The following LRCH3 variants were observed in gnomAD, a reference collection of about 807,000 sequenced individuals.
LRCH3 encodes the protein leucine rich repeats and calponin homology domain containing 3.
A neutral mutation model predicts 104.5 loss-of-function variants in LRCH3; 68 were observed. The ratio of observed to expected loss-of-function variants is 0.65; its 90% CI spans 0.54 to 0.80. The LOEUF is 0.80. LRCH3 is among the 30% of genes least tolerant of loss of function. LRCH3 has a pLI of 0.00. For missense variants in LRCH3, 951 were observed against 953.9 expected (o/e 1.00, Z 0.04); for synonymous variants, 344 against 361.3 (o/e 0.95, Z 0.54).
chr3:197,875,008 T>C (rs114134225), intron 19 of LRCH3, among the ~76,000 whole-genome samples: 16,602 of 150,582 alleles, frequency 0.11, 955 homozygotes, highest in African/African-American at 0.13. Flanking sequence ...CCACAACCTC[T>C]GCCTCCCGGG....
intron 17 of LRCH3, among the ~76,000 whole-genome samples, chr3:197,867,220 T>G (rs183753399): frequency 8.2e-4 from 124 of 151,940 alleles, no homozygotes; most frequent in Middle Eastern, 3.4e-3. Context: ...GAAGTTGCAG[T>G]GAGCCAAGAT....
chr3:197,800,092 G>A (rs1560519014), intron 1 of LRCH3, among the ~76,000 whole-genome samples: 1 of 152,050 alleles, frequency 6.6e-6, no homozygotes, highest in South Asian at 2.1e-4. Flanking sequence ...GGGAGGCTGA[G>A]GCAGGAGAAT....
intron 1 of LRCH3, among the ~76,000 whole-genome samples, chr3:197,805,175 G>A (rs1020364769): frequency 1.3e-5 from 2 of 152,190 alleles, no homozygotes; most frequent in Non-Finnish European, 2.9e-5. Context: ...TTACAGGCGT[G>A]AGCCACCGCG....
At chr3:197,869,173 T>C (rs926590441) in intron 17 of LRCH3, among the ~76,000 whole-genome samples, 2 of 151,418 alleles carry the variant, frequency 1.3e-5, no homozygotes, top group African/African-American at 4.9e-5. Flanking sequence ...TATACTGTAC[T>C]TGCAGGAAGT....
intron 1 of LRCH3, among the ~76,000 whole-genome samples, chr3:197,795,601 C>G (rs754367452): frequency 1.3e-5 from 2 of 151,634 alleles, no homozygotes; most frequent in African/African-American, 4.9e-5. Context: ...AGCCGCCATG[C>G]CTAAAGTCAG....
chr3:197,848,504 A>G (rs73210166), intron 12 of LRCH3: 4,563 of 153,040 alleles, frequency 0.03, 96 homozygotes, highest in Middle Eastern at 0.14. Flanking sequence ...AACGTTTTGC[A>G]GCCTCTATAG....
rs1419275644 is a variant in LRCH3, at chr3:197,813,533, T to C, written c.263-1375T>C. On this transcript the variant is annotated intron_variant, in intron 1 of 20. Transcript: ENST00000425562. The stretch of plus-strand genomic sequence containing the variant: ...TAATTTTTTTTTTTTTTTTTTTTTT[T>C]TTTTTTTTTTTTTTTGAGATGGAAT... Among the ~76,000 whole-genome samples the C allele has an allele frequency of 9.2e-5, 11 of 119,650 alleles. 1 individual carries two copies. The highest frequency in any genetic ancestry group is 6.8e-4 in the East Asian group (3 of 4,388). The allele number at this position is 119,650 out of a possible 152,430, so 78.5% of individuals were successfully genotyped here. A position where few individuals can be genotyped will look rare whatever the true frequency, so the allele number is the denominator to read the frequency against.
intron 19 of LRCH3, 76 bp from the exon 20 acceptor site, chr3:197,875,622 C>T (rs1326701838): frequency 8.7e-7 from 1 of 1,153,822 alleles, no homozygotes; most frequent in Admixed American, 2.0e-5. Context: ...CCACTGCACT[C>T]CAGCCTGGGT....
intron 15 of LRCH3, among the ~76,000 whole-genome samples, chr3:197,864,613 A>G (rs1395352533): frequency 1.8e-5 from 2 of 109,800 alleles, no homozygotes; most frequent in African/African-American, 9.1e-5. Flanking sequence ...TCCATCTCAA[A>G]AAAAAAAAAA....
intron 5 of LRCH3, among the ~76,000 whole-genome samples, chr3:197,828,909 G>T (rs942671738): frequency 2.0e-5 from 3 of 151,428 alleles, no homozygotes; most frequent in African/African-American, 7.3e-5. Flanking sequence ...GGATTTCACC[G>T]TGTTGGTCAG....
chr3:197,873,724 C>T (rs1560603127), intron 19 of LRCH3, among the ~76,000 whole-genome samples: 1 of 151,950 alleles, frequency 6.6e-6, no homozygotes. Context: ...GACCCTGACC[C>T]TAAAAAAGAA....
intron 15 of LRCH3, among the ~76,000 whole-genome samples, chr3:197,859,857 A>G (rs1740681197): frequency 6.6e-6 from 1 of 152,126 alleles, no homozygotes; most frequent in Non-Finnish European, 1.5e-5. Context: ...TTCTTCCTAA[A>G]TAAACTCAGA....
At chr3:197,855,774 C>T (rs1023450419) in intron 14 of LRCH3, among the ~76,000 whole-genome samples, 1 of 152,192 alleles carries the variant, frequency 6.6e-6, no homozygotes, top group African/African-American at 2.4e-5. Context: ...TTTGTCAAAA[C>T]ACACTCACTT....
chr3:197,805,249 A>G (rs1010287327), intron 1 of LRCH3, among the ~76,000 whole-genome samples: 1 of 152,052 alleles, frequency 6.6e-6, no homozygotes, highest in Admixed American at 6.6e-5. Context: ...CTGAGGGGCA[A>G]ACTGATAAAA....
At chr3:197,877,707 GTT>G (rs1458129820) in intron 20 of LRCH3, among the ~76,000 whole-genome samples, 1 of 151,982 alleles carries the variant, frequency 6.6e-6, no homozygotes, top group Non-Finnish European at 1.5e-5. Flanking sequence ...TCCCAGGATT[GTT>G]TTTCTCTTAT....
At chr3:197,824,573 C>CTT (rs1266534474) in intron 4 of LRCH3, among the ~76,000 whole-genome samples, 14 of 140,632 alleles carry the variant, frequency 1.0e-4, no homozygotes, top group African/African-American at 2.1e-4. Context: ...TGCTGCCCAG[C>CTT]TTTTTTTTTT....
rs746677794 is a variant in LRCH3 at position 197,791,301 on chromosome 3, C to CT, written c.24dup (p.Val9CysfsTer16). 1.2e-6 allele frequency: 2 copies of CT among 1,608,928 alleles called. No homozygotes were observed. The highest frequency in any genetic ancestry group is 8.5e-7 in the Non-Finnish European group (1 of 1,178,764). The stretch of plus-strand genomic sequence containing the variant: ...GAAATGGCGGCCGCGGGCTTGGTCG[C>CT]TGTGGCAGCGGCTGCCGAGTACTCT... On this transcript the variant is annotated frameshift_variant, in exon 1 of 21. Transcript: ENST00000425562. LOFTEE classifies it high-confidence loss of function.
At chr3:197,800,293 GC>G (rs1249599789) in intron 1 of LRCH3, among the ~76,000 whole-genome samples, 8 of 152,094 alleles carry the variant, frequency 5.3e-5, no homozygotes, top group Non-Finnish European at 8.8e-5. Flanking sequence ...TCCAATAAAT[GC>G]AACAGATTAG....
intron 1 of LRCH3, among the ~76,000 whole-genome samples, chr3:197,795,697 T>G (rs1169115720): frequency 7.2e-6 from 1 of 138,346 alleles, no homozygotes; most frequent in Non-Finnish European, 1.6e-5. Context: ...TTTTTTTTTT[T>G]TTTTTTTTTT....
Sources: gnomAD v4.1 joint callset for allele counts (sites outside exome capture counted in the v4.1 genomes callset) on GRCh38, gnomAD v4.1.1 for gene constraint, MANE v1.5 for transcripts, NCBI Gene and HGNC (gene_info 2026-07-23, HGNC 2026-07-21) for gene names.